Variants in PPP1R37 observed in about 807,000 individuals in gnomAD.
PPP1R37 encodes the protein protein phosphatase 1 regulatory subunit 37, also known as leucine rich repeat containing 68.
Under a neutral mutation model 61.0 loss-of-function variants are expected in PPP1R37, and 21 were observed. That is an observed-to-expected ratio of 0.34 (90% CI 0.24 to 0.50). PPP1R37 has a LOEUF of 0.50. PPP1R37 is among the 20% of genes least tolerant of loss of function. The pLI, the probability that PPP1R37 is intolerant of heterozygous loss-of-function variation, is 0.98. For missense variants in PPP1R37, 910 were observed against 952.7 expected, an observed-to-expected ratio of 0.96 and a Z score of 0.59; for synonymous variants, 443 against 433.5, an observed-to-expected ratio of 1.02 and a Z score of -0.27.
intron 1 of PPP1R37, among the ~76,000 whole-genome samples, chr19:45,129,499 A>G (rs1014936427): frequency 6.6e-6 from 1 of 152,068 alleles, no homozygotes; most frequent in Non-Finnish European, 1.5e-5. Context: ...GGGTTTCACT[A>G]TGTTGGCCAG....
At chr19:45,113,948 G>A (rs998650552) in intron 1 of PPP1R37, among the ~76,000 whole-genome samples, 1 of 152,214 alleles carries the variant, frequency 6.6e-6, no homozygotes, top group African/African-American at 2.4e-5. Flanking sequence ...GCTGGAGCTG[G>A]TGGCTCTGCT....
rs1331618723 is a variant in PPP1R37, at chr19:45,145,883, C to T, written c.1827C>T (p.Ala609=). 1 of 1,532,218 alleles carries T rather than the reference C, an allele frequency of 6.5e-7. No homozygotes were observed. Among genetic ancestry groups the T allele is most frequent in the South Asian group, 1.2e-5 (1 of 83,894 alleles). The allele number at this position is 1,532,218 out of a possible 1,614,324, so 94.9% of individuals were successfully genotyped here. A position where few individuals can be genotyped will look rare whatever the true frequency, so the allele number is the denominator to read the frequency against. Residue 609 remains alanine, a synonymous_variant, in exon 11 of 13, where the codon GCC becomes GCT. Coordinates refer to ENST00000221462, the MANE Select transcript of PPP1R37 (RefSeq NM_019121.2). Reference sequence around the variant, plus strand: ...CACCTTCCCTACCACCAGCCGGGGCCATTGACACCCGGGACACAGGGTCCT... The same window carrying T: ...CACCTTCCCTACCACCAGCCGGGGCTATTGACACCCGGGACACAGGGTCCT... ...PASPSLPPAG[A]IDTRDTGSSE...
intron 1 of PPP1R37, among the ~76,000 whole-genome samples, chr19:45,097,627 G>C (rs1325682796): frequency 1.3e-5 from 2 of 151,990 alleles, no homozygotes; most frequent in South Asian, 4.1e-4. Flanking sequence ...GGAGGGTCTC[G>C]AGCCTGCCCA....
chr19:45,120,142 C>T (rs961580751), intron 1 of PPP1R37, among the ~76,000 whole-genome samples: 4 of 151,356 alleles, frequency 2.6e-5, no homozygotes, highest in Non-Finnish European at 5.9e-5. Flanking sequence ...CTCAGCCTCC[C>T]AAGTAGCTGG....
At chr19:45,139,320 C>G (rs1291795164) in intron 2 of PPP1R37, among the ~76,000 whole-genome samples, 1 of 152,384 alleles carries the variant, frequency 6.6e-6, no homozygotes. Context: ...ATCTCTTGCC[C>G]CAAGGCCCCC....
At chr19:45,120,513 G>A (rs895374709) in intron 1 of PPP1R37, among the ~76,000 whole-genome samples, 1 of 152,192 alleles carries the variant, frequency 6.6e-6, no homozygotes, top group East Asian at 1.9e-4. Flanking sequence ...GGTTGGTTCC[G>A]GTTCTGCATT....
At position 45,145,199 on chromosome 19, in the gene PPP1R37, C is replaced by T. The variant is rs1189446528; in HGVS notation, c.1235C>T (p.Ala412Val). 6.5e-7 allele frequency: 1 copy of T among 1,535,174 alleles called. No individual in the cohort carries two copies. Among genetic ancestry groups the T allele is most frequent in the Non-Finnish European group, 8.7e-7 (1 of 1,146,508 alleles). Residue 412 changes from alanine (A) to valine (V), a missense_variant, in exon 10 of 13, where the codon GCC (alanine) becomes GTC (valine). Physicochemically the swap from Ala to Val is moderately conservative, Grantham distance 64. Around this residue, in one of 3 missense-constraint regions of PPP1R37, gnomAD observed 549 missense variants for 505.1 expected, o/e 1.09. Coordinates refer to ENST00000221462, the MANE Select transcript of PPP1R37 (RefSeq NM_019121.2). ...GGCGGGCTCATGGCACTGTCGTTGG[C>T]CCTCAAGGTGAACCACTCACTGCTG... ...KTGGLMALSL[A>V]LKVNHSLLRL... is the part of the protein sequence containing the mutation.
intron 1 of PPP1R37, among the ~76,000 whole-genome samples, chr19:45,099,155 C>T (rs570556355): frequency 1.3e-5 from 2 of 152,116 alleles, no homozygotes; most frequent in Admixed American, 6.5e-5. Context: ...GTTTCCTGCC[C>T]GTGTTGTGTA....
rs1239084214 is a variant in PPP1R37, at chr19:45,121,502, G to A, written c.203-17012G>A. ...GGATTGAGGCCACTGGATTCCCTAG[G>A]TAGGGAGCTCCCCAAATACAGGAAG... On this transcript the variant is annotated intron_variant, in intron 1 of 12. Coordinates refer to ENST00000221462, the MANE Select transcript of PPP1R37 (RefSeq NM_019121.2). The surrounding 1 kb of genome is among the most constrained non-coding windows in gnomAD (Gnocchi z 4.2). Among the ~76,000 whole-genome samples, 1 of 152,224 alleles carries A rather than the reference G, an allele frequency of 6.6e-6. No homozygotes were observed. Among genetic ancestry groups the A allele is most frequent in the Non-Finnish European group, 1.5e-5 (1 of 68,020 alleles).
Position 45,093,302 on chromosome 19 carries a change from C to G in PPP1R37, c.-24C>G. 7.2e-7 allele frequency: 1 copy of G among 1,387,898 alleles called. No homozygotes were observed. Among genetic ancestry groups the G allele is most frequent in the South Asian group, 1.6e-5 (1 of 62,374 alleles). 86.0% of individuals were successfully genotyped at this position (1,387,898 alleles called of 1,614,324 possible). On this transcript the variant is annotated 5_prime_UTR_variant, in exon 1 of 13. Transcript: ENST00000221462. ...GGGGCCCGGGGCATGTCCCCGGGGC[C>G]CCCGTGAGGAGGCGGCGGCGGCTAT...
intron 1 of PPP1R37, among the ~76,000 whole-genome samples, chr19:45,127,989 A>T (rs530649986): frequency 2.6e-4 from 40 of 151,950 alleles, no homozygotes; most frequent in South Asian, 1.2e-3. Flanking sequence ...AAAAAAAAAA[A>T]AAAAGATAAA....
intron 5 of PPP1R37, 21 bp from the exon 6 acceptor site, chr19:45,142,040 C>T: frequency 6.7e-7 from 1 of 1,494,416 alleles, no homozygotes; most frequent in Non-Finnish European, 8.9e-7. Context: ...GTGCCTCACC[C>T]CTGTCCTCTT....
intron 1 of PPP1R37, among the ~76,000 whole-genome samples, chr19:45,132,016 G>A (rs541786762): frequency 2.6e-5 from 4 of 152,180 alleles, no homozygotes; most frequent in East Asian, 1.9e-4. Flanking sequence ...ATTCCAAGCC[G>A]TTACCTCTGC....
intron 1 of PPP1R37, among the ~76,000 whole-genome samples, chr19:45,104,605 G>A (rs917726678): frequency 1.3e-5 from 2 of 151,886 alleles, no homozygotes; most frequent in Admixed American, 1.3e-4. Context: ...TCTCCAACCC[G>A]CTCCCCACCT....
At chr19:45,145,319 G>T in intron 10 of PPP1R37, 34 bp from the exon 11 acceptor site, 1 of 1,523,810 alleles carries the variant, frequency 6.6e-7, no homozygotes, top group South Asian at 1.2e-5. Flanking sequence ...GGTGGGGCCG[G>T]CCTGAGAGCC....
Position 45,141,718 on chromosome 19 carries a change from G to A in PPP1R37, c.567+277G>A, listed in dbSNP as rs1968614309. ...CTGTAATGTCATCCCCTTGGAGGTGGCCATGGTCGCCATCCCCACGTCACT... is the reference window on the plus strand; with the variant it reads ...CTGTAATGTCATCCCCTTGGAGGTGACCATGGTCGCCATCCCCACGTCACT... On this transcript the variant is annotated intron_variant, in intron 5 of 12. Transcript: ENST00000221462. Among the ~76,000 whole-genome samples, 3 of 152,292 alleles carry A rather than the reference G, an allele frequency of 2.0e-5. No individual in the cohort carries two copies. In the South Asian group the frequency reaches 6.2e-4, roughly 32 times the overall value.
At chr19:45,127,104 C>G (rs573594219) in intron 1 of PPP1R37, among the ~76,000 whole-genome samples, 5 of 152,280 alleles carry the variant, frequency 3.3e-5, no homozygotes, top group Admixed American at 2.0e-4. Context: ...AATCCCAGCA[C>G]TGTGGGAGTT....
At chr19:45,099,612 T>C (rs1230112675) in intron 1 of PPP1R37, among the ~76,000 whole-genome samples, 1 of 152,266 alleles carries the variant, frequency 6.6e-6, no homozygotes, top group Non-Finnish European at 1.5e-5. Context: ...TCCGTGCCTG[T>C]ACATGCAGTT....
intron 1 of PPP1R37, among the ~76,000 whole-genome samples, chr19:45,117,547 C>T (rs1014664412): frequency 2.6e-5 from 4 of 152,042 alleles, no homozygotes; most frequent in African/African-American, 4.8e-5. Flanking sequence ...GTCTGAATGG[C>T]GGGGACTGCA....
Sources: allele counts gnomAD v4.1 joint callset (sites outside exome capture counted in the v4.1 genomes callset), GRCh38; gene constraint gnomAD v4.1.1; regional missense constraint gnomAD v4.1.1; non-coding constraint Gnocchi (gnomAD v3.1); transcripts MANE v1.5; gene names NCBI Gene and HGNC (gene_info 2026-07-23, HGNC 2026-07-21).